LITAF: variants seen among roughly 807,000 people sequenced by gnomAD.
LITAF encodes lipopolysaccharide induced TNF factor, also known as lipopolysaccharide-induced tumor necrosis factor-alpha factor.
A neutral mutation model predicts 14.5 loss-of-function variants in LITAF; 9 were observed. That is an observed-to-expected ratio of 0.62 (90% CI 0.37 to 1.08). LITAF has a LOEUF of 1.08. LITAF is among the 50% of genes least tolerant of loss of function. LITAF has a pLI of 0.01. For missense variants in LITAF, 206 were observed against 213.4 expected, an observed-to-expected ratio of 0.97 and a Z score of 0.22; for synonymous variants, 98 against 88.2, an observed-to-expected ratio of 1.11 and a Z score of -0.62.
upstream of LITAF, among the ~76,000 whole-genome samples, chr16:11,590,796 G>A (rs576754224): frequency 7.3e-4 from 86 of 117,212 alleles, 18 homozygotes; most frequent in Non-Finnish European, 1.3e-3. Flanking sequence ...GCAGTGGTAC[G>A]ATCTCGGCTC....
At chr16:11,604,525 G>A (rs928166766) in intron 3 of LITAF, among the ~76,000 whole-genome samples, 4 of 151,482 alleles carry the variant, frequency 2.6e-5, no homozygotes, top group East Asian at 1.9e-4. Context: ...AGAATCTCTC[G>A]GCCAGGTGTG....
At chr16:11,574,336 C>G (rs1377644060) in intron 1 of LITAF, among the ~76,000 whole-genome samples, 1 of 152,128 alleles carries the variant, frequency 6.6e-6, no homozygotes, top group Admixed American at 6.5e-5. Context: ...GCCATCATGC[C>G]TGGCCTAGTA....
At chr16:11,610,564 G>C (rs568534560) in intron 3 of LITAF, among the ~76,000 whole-genome samples, 62 of 152,288 alleles carry the variant, frequency 4.1e-4, no homozygotes, top group Non-Finnish European at 7.1e-4. Flanking sequence ...CATTGCCACA[G>C]TGCCTTCCCA....
chr16:11,591,490 G>A (rs548064810), upstream of LITAF, among the ~76,000 whole-genome samples: 5 of 152,078 alleles, frequency 3.3e-5, no homozygotes, highest in South Asian at 8.3e-4. Context: ...TGGCCCACAC[G>A]TTCTGATTTT....
intron 3 of LITAF, among the ~76,000 whole-genome samples, chr16:11,622,778 A>G (rs976978297): frequency 6.6e-6 from 1 of 152,094 alleles, no homozygotes; most frequent in African/African-American, 2.4e-5. Flanking sequence ...TGCCTGCTCT[A>G]AACTGTGGAA....
chr16:11,552,260 G>A (rs903331311), intron 3 of LITAF, among the ~76,000 whole-genome samples: 2 of 152,168 alleles, frequency 1.3e-5, no homozygotes, highest in African/African-American at 2.4e-5. Flanking sequence ...CCAGGTATAA[G>A]GAAGCTACTT....
chr16:11,636,874 CTTT>C (rs58560112), upstream of LITAF, among the ~76,000 whole-genome samples: 1 of 144,454 alleles, frequency 6.9e-6, no homozygotes. Flanking sequence ...ATTTATTTTT[CTTT>C]TTTTTTTTTT....
chr16:11,564,648 C>T (rs1051618153), intron 1 of LITAF, among the ~76,000 whole-genome samples: 10 of 151,696 alleles, frequency 6.6e-5, no homozygotes, highest in Admixed American at 3.9e-4. Context: ...ATTATGGTAT[C>T]GCTCCTGCTA....
intron 1 of LITAF, among the ~76,000 whole-genome samples, chr16:11,576,364 G>A (rs2141815296): frequency 6.6e-6 from 1 of 152,182 alleles, no homozygotes; most frequent in East Asian, 1.9e-4. Flanking sequence ...AGTTACTCCA[G>A]AGGCTAAGGC....
chr16:11,551,805 C>G (rs964164461), intron 3 of LITAF: 5 of 639,978 alleles, frequency 7.8e-6, no homozygotes, highest in Non-Finnish European at 1.4e-5. Context: ...GCACTCCTGC[C>G]TGGACAACAG....
chr16:11,621,766 C>T (rs566439208), intron 3 of LITAF, among the ~76,000 whole-genome samples: 27 of 152,122 alleles, frequency 1.8e-4, no homozygotes, highest in Non-Finnish European at 3.8e-4. Flanking sequence ...CCTGCCCCGA[C>T]TCTCTTCCCA....
chr16:11,598,812 C>G (rs2064909871), upstream of LITAF, among the ~76,000 whole-genome samples: 1 of 151,952 alleles, frequency 6.6e-6, no homozygotes, highest in Non-Finnish European at 1.5e-5. Flanking sequence ...CCTCATTCAG[C>G]TATTTATGTA....
rs1182307050 is a variant in LITAF at position 11,558,732 on chromosome 16, G to A, written c.-5-1997C>T. On this transcript the variant is annotated intron_variant, in intron 1 of 3. Transcript: ENST00000622633. The surrounding 1 kb of genome is among the most constrained non-coding windows in gnomAD (Gnocchi z 4.1). ...CAAAAACAAACAAACGAAACAAAGT[G>A]GAATAGAGGCGGGGGAGTGAACGTG... Among the ~76,000 whole-genome samples the A allele has an allele frequency of 1.3e-5, 2 of 151,976 alleles. No homozygotes were observed. Among genetic ancestry groups the A allele is most frequent in the African/African-American group, 4.8e-5 (2 of 41,382 alleles).
chr16:11,560,828 G>C (rs923622987), intron 1 of LITAF, among the ~76,000 whole-genome samples: 4 of 152,192 alleles, frequency 2.6e-5, no homozygotes, highest in African/African-American at 9.7e-5. Context: ...GGAGGTGTTT[G>C]TGAAAACAGG....
At chr16:11,619,464 G>C (rs147062205) in intron 3 of LITAF, among the ~76,000 whole-genome samples, 2 of 152,292 alleles carry the variant, frequency 1.3e-5, no homozygotes, top group East Asian at 3.9e-4. Context: ...TGCCAACTCA[G>C]CCCTCTTCAG....
intron 1 of LITAF, among the ~76,000 whole-genome samples, chr16:11,563,825 A>G (rs1420630889): frequency 6.6e-6 from 1 of 152,008 alleles, no homozygotes; most frequent in African/African-American, 2.4e-5. Context: ...CTGCATATTT[A>G]CTGCTTCAAG....
At chr16:11,630,724 A>G in intron 3 of LITAF, among the ~76,000 whole-genome samples, 1 of 151,892 alleles carries the variant, frequency 6.6e-6, no homozygotes, top group Non-Finnish European at 1.5e-5. Flanking sequence ...GACTACAGGC[A>G]CCCACCACCA....
At chr16:11,602,298 G>GTGAGC (rs2064932615), upstream of LITAF, among the ~76,000 whole-genome samples, 1 of 152,180 alleles carries the variant, frequency 6.6e-6, no homozygotes, top group Admixed American at 6.5e-5. Context: ...GGAGGTTACA[G>GTGAGC]TGAGCTGAGA....
chr16:11,631,851 TTC>T (rs2065119661), intron 3 of LITAF, among the ~76,000 whole-genome samples: 1 of 141,676 alleles, frequency 7.1e-6, no homozygotes, highest in Non-Finnish European at 1.6e-5. Context: ...TTCTTTTCTT[TTC>T]TTTTTTTTTT....
Sources: allele counts gnomAD v4.1 joint callset (sites outside exome capture counted in the v4.1 genomes callset), GRCh38; gene constraint gnomAD v4.1.1; non-coding constraint Gnocchi (gnomAD v3.1); transcripts MANE v1.5; gene names NCBI Gene and HGNC (gene_info 2026-07-23, HGNC 2026-07-21).